MAGI3: variants seen among roughly 807,000 people sequenced by gnomAD.
MAGI3 encodes membrane associated guanylate kinase, WW and PDZ domain containing 3.
In MAGI3, 43 loss-of-function variants were observed where a neutral mutation model predicts 121.8. The observed-to-expected ratio is 0.35, with a 90% CI of 0.28 to 0.46. The LOEUF (loss-of-function observed/expected upper bound fraction) is 0.46, where lower values mean the gene tolerates loss of function less well. Among genes scored for constraint, MAGI3 ranks in the 20% least tolerant of loss-of-function variants. MAGI3 has a pLI of 1.00. For missense variants in MAGI3, 1,547 were observed against 1,797.3 expected, an observed-to-expected ratio of 0.86 and a Z score of 2.52; for synonymous variants, 553 against 639.3, an observed-to-expected ratio of 0.86 and a Z score of 2.04.
At position 113,391,478 on chromosome 1, in the gene MAGI3, A is replaced by C; in HGVS notation, c.316+129A>C. ...ATCTTAGACCTCTAGGGTGTGCCAG[A>C]CTCCTTGACGAGGGGGAGGGGTGGC... On this transcript the variant is annotated intron_variant, in intron 1 of 20. Coordinates refer to ENST00000307546, the MANE Select transcript of MAGI3 (RefSeq NM_001142782.2). This position sits in a 1 kb window ranked among gnomAD's most constrained non-coding sequence, Gnocchi z 4.4. The C allele has an allele frequency of 9.6e-7, 1 of 1,045,148 alleles. No individual in the cohort carries two copies. Among genetic ancestry groups the C allele is most frequent in the East Asian group, 2.9e-5 (1 of 34,840 alleles). The allele number at this position is 1,045,148 out of a possible 1,614,324, so 64.7% of individuals were successfully genotyped here.
intron 9 of MAGI3, among the ~76,000 whole-genome samples, chr1:113,634,393 TC>T (rs1483891613): frequency 2.6e-5 from 4 of 152,182 alleles, no homozygotes; most frequent in African/African-American, 7.2e-5. Context: ...GTCTAATCCA[TC>T]TTGAATTAAT....
chr1:113,425,361 C>G (rs1461261386), intron 1 of MAGI3, among the ~76,000 whole-genome samples: 3 of 135,878 alleles, frequency 2.2e-5, no homozygotes, highest in Non-Finnish European at 4.6e-5. Flanking sequence ...CAGCTCACTG[C>G]AAGCTCCGCC....
At chr1:113,505,121 A>T (rs1395527577) in intron 1 of MAGI3, among the ~76,000 whole-genome samples, 1 of 152,102 alleles carries the variant, frequency 6.6e-6, no homozygotes, top group African/African-American at 2.4e-5. Context: ...ATACAACAGG[A>T]GTAGGAAGGA....
At chr1:113,672,493 A>G (rs2101022310) in intron 17 of MAGI3, 122 bp from the exon 18 acceptor site, 1 of 1,036,580 alleles carries the variant, frequency 9.6e-7, no homozygotes, top group South Asian at 1.7e-5. Flanking sequence ...GTCTGTCTTC[A>G]TAGTGGTTTG....
chr1:113,398,427 C>T (rs894378644), intron 1 of MAGI3, among the ~76,000 whole-genome samples: 3 of 152,136 alleles, frequency 2.0e-5, no homozygotes, highest in South Asian at 2.1e-4. Context: ...TTGGAGGCTT[C>T]CCTTTTTATT....
intron 7 of MAGI3, among the ~76,000 whole-genome samples, chr1:113,616,536 CA>C (rs1650481218): frequency 6.6e-6 from 1 of 152,148 alleles, no homozygotes; most frequent in South Asian, 2.1e-4. Context: ...GTAGTAACAC[CA>C]ACTGCAGTGG....
intron 2 of MAGI3, among the ~76,000 whole-genome samples, chr1:113,579,072 C>T (rs1647848308): frequency 6.6e-6 from 1 of 152,058 alleles, no homozygotes; most frequent in South Asian, 2.1e-4. Flanking sequence ...GAGCATATTG[C>T]CAGGCACTGT....
chr1:113,636,393 C>A (rs912355256), intron 9 of MAGI3, among the ~76,000 whole-genome samples: 5 of 152,188 alleles, frequency 3.3e-5, no homozygotes, highest in African/African-American at 1.2e-4. Context: ...CTACACACTG[C>A]TTTGAATGTG....
At chr1:113,432,305 C>T (rs992906932) in intron 1 of MAGI3, among the ~76,000 whole-genome samples, 1 of 152,070 alleles carries the variant, frequency 6.6e-6, no homozygotes, top group Non-Finnish European at 1.5e-5. Context: ...ATGTTAGTTA[C>T]CTTCATTTTT....
chr1:113,626,395 A>T (rs1651243092), intron 9 of MAGI3, among the ~76,000 whole-genome samples: 1 of 152,170 alleles, frequency 6.6e-6, no homozygotes, highest in South Asian at 2.1e-4. Context: ...TTACATCAGT[A>T]CTTATCAGAA....
chr1:113,532,606 A>G (rs1658779017), intron 1 of MAGI3, among the ~76,000 whole-genome samples: 1 of 152,080 alleles, frequency 6.6e-6, no homozygotes, highest in Non-Finnish European at 1.5e-5. Context: ...ATTTCTCCTC[A>G]GTGGCACTTT....
chr1:113,399,584 A>G (rs1161946126), intron 1 of MAGI3, among the ~76,000 whole-genome samples: 1 of 152,200 alleles, frequency 6.6e-6, no homozygotes, highest in African/African-American at 2.4e-5. Context: ...TTTTACTCAA[A>G]TATTTAAATA....
At chr1:113,534,892 A>G (rs1393361610) in intron 1 of MAGI3, among the ~76,000 whole-genome samples, 1 of 152,102 alleles carries the variant, frequency 6.6e-6, no homozygotes, top group Non-Finnish European at 1.5e-5. Flanking sequence ...TACATAATTT[A>G]CTAATCCCTA....
intron 1 of MAGI3, among the ~76,000 whole-genome samples, chr1:113,515,407 A>T (rs1194356440): frequency 2.0e-5 from 3 of 152,168 alleles, no homozygotes; most frequent in Non-Finnish European, 4.4e-5. Flanking sequence ...ATGTTTGTCT[A>T]AAATTAGTCA....
intron 1 of MAGI3, among the ~76,000 whole-genome samples, chr1:113,425,992 C>T (rs538323165): frequency 1.3e-5 from 2 of 152,078 alleles, no homozygotes; most frequent in East Asian, 3.9e-4. Context: ...GAGGTAATAA[C>T]TTATTGATTT....
chr1:113,403,720 G>C (rs931996196), intron 1 of MAGI3: 3 of 152,180 alleles, frequency 2.0e-5, no homozygotes, highest in African/African-American at 7.2e-5. Flanking sequence ...GCTGCTGAAA[G>C]CTACAGGCCA....
chr1:113,483,716 A>G (rs1656218533), intron 1 of MAGI3, among the ~76,000 whole-genome samples: 1 of 152,140 alleles, frequency 6.6e-6, no homozygotes, highest in African/African-American at 2.4e-5. Context: ...TGAAATGAAT[A>G]TTGTTGAGGC....
Position 113,684,666 on chromosome 1 carries a change from A to G in MAGI3, c.*652A>G, listed in dbSNP as rs1557893219. The G allele has an allele frequency of 6.6e-6, 1 of 152,360 alleles. No individual in the cohort carries two copies. The highest frequency in any genetic ancestry group is 1.5e-5 in the Non-Finnish European group (1 of 68,036). The allele number at this position is 152,360 out of a possible 1,614,324, so 9.4% of individuals were successfully genotyped here. On this transcript the variant is annotated 3_prime_UTR_variant, in exon 21 of 21. Transcript: ENST00000307546. ...CTTTTTATTTTAATTTGGCTGGATA[A>G]GTTGTTTCAAATAACTGTTAAAGAT...
intron 1 of MAGI3, among the ~76,000 whole-genome samples, chr1:113,525,895 A>C (rs1310719514): frequency 6.6e-6 from 1 of 151,998 alleles, no homozygotes; most frequent in African/African-American, 2.4e-5. Flanking sequence ...CAAGTTACTC[A>C]GGAGGCTGAG....
Sources: allele counts gnomAD v4.1 joint callset (sites outside exome capture counted in the v4.1 genomes callset), GRCh38; gene constraint gnomAD v4.1.1; non-coding constraint Gnocchi (gnomAD v3.1); transcripts MANE v1.5; gene names NCBI Gene and HGNC (gene_info 2026-07-23, HGNC 2026-07-21).